GAS6: variants seen among roughly 807,000 people sequenced by gnomAD.
GAS6 encodes the protein growth arrest specific 6.
A neutral mutation model predicts 75.8 loss-of-function variants in GAS6; 41 were observed. The ratio of observed to expected loss-of-function variants is 0.54; its 90% CI spans 0.42 to 0.70. The LOEUF is 0.70. Ranked by LOEUF, GAS6 falls within the 30% of genes least tolerant of loss-of-function variation. GAS6 has a pLI of 0.00. For synonymous variants in GAS6, 432 were observed against 412.6 expected, an observed-to-expected ratio of 1.05 and a Z score of -0.57; for missense variants, 854 against 940.2, an observed-to-expected ratio of 0.91 and a Z score of 1.20.
Position 113,820,985 on chromosome 13 carries a change from A to G in GAS6, c.1916T>C (p.Phe639Ser). The G allele has an allele frequency of 6.2e-7, 1 of 1,612,670 alleles. No individual in the cohort carries two copies. ...CTCCAGTGTCATGCAGCCGCGGTAG[A>G]ACGCGGTGACTGGCGCTGAAGTCAC... Reference protein sequence around the residue: ...VPVTSAPVTAFYRGCMTLEVN... With the variant: ...VPVTSAPVTASYRGCMTLEVN... The change falls in exon 15 of 15, where the codon TTC (phenylalanine) becomes TCC (serine). Residue 639 changes from phenylalanine to serine, a missense_variant. By Grantham distance (155) the Phe-to-Ser change is radical. Coordinates refer to ENST00000327773, the MANE Select transcript of GAS6 (RefSeq NM_000820.4).
At chr13:113,834,269 G>A (rs576591761) in intron 8 of GAS6, among the ~76,000 whole-genome samples, 48 of 152,314 alleles carry the variant, frequency 3.2e-4, no homozygotes, top group Admixed American at 1.5e-3. Flanking sequence ...TGGCTCCCTG[G>A]CACGCGGCAG....
At chr13:113,857,576 AACCTGGAT>A in intron 2 of GAS6, among the ~76,000 whole-genome samples, 1 of 152,196 alleles carries the variant, frequency 6.6e-6, no homozygotes, top group Non-Finnish European at 1.5e-5. Flanking sequence ...AGCATGAGGA[AACCTGGAT>A]GCCTGTCAAT....
chr13:113,825,787 C>T (rs2051529317), intron 12 of GAS6, among the ~76,000 whole-genome samples: 1 of 151,828 alleles, frequency 6.6e-6, no homozygotes, highest in African/African-American at 2.4e-5. Flanking sequence ...TCTCAGATGC[C>T]TTTCCTGACA....
intron 3 of GAS6, chr13:113,847,570 G>GT (rs66489640): frequency 0.025 from 4,743 of 188,476 alleles, 259 homozygotes; most frequent in African/African-American, 0.11. Context: ...GATAACGTCT[G>GT]GCATTCCCGT....
intron 2 of GAS6, among the ~76,000 whole-genome samples, chr13:113,862,743 G>T (rs1397055073): frequency 6.6e-6 from 1 of 152,178 alleles, no homozygotes. Context: ...CTTTCATCCC[G>T]GGTGACATTT....
intron 12 of GAS6, among the ~76,000 whole-genome samples, chr13:113,825,315 C>T (rs1445383473): frequency 2.0e-5 from 3 of 151,536 alleles, no homozygotes; most frequent in African/African-American, 7.3e-5. Flanking sequence ...CACAAGGGCA[C>T]CGGCCTCTGC....
intron 11 of GAS6, 128 bp from the exon 12 acceptor site, chr13:113,827,292 A>G: frequency 1.2e-6 from 1 of 855,022 alleles, no homozygotes; most frequent in South Asian, 1.7e-5. Context: ...GGCCAGTCCC[A>G]TCGGTGGTGG....
chr13:113,826,666 AGGCACCTTCTCTCCCCCGCCTCCTG>A (rs1566354951), intron 12 of GAS6, among the ~76,000 whole-genome samples: 14 of 101,156 alleles, frequency 1.4e-4, no homozygotes, highest in South Asian at 6.6e-4. Context: ...CCGGCCTCGC[AGGCACCTTCTCTCCCCCGCCTCCTG>A]GCGCCGGCCT....
intron 13 of GAS6, chr13:113,822,484 C>A: frequency 3.2e-6 from 1 of 313,498 alleles, no homozygotes; most frequent in Non-Finnish European, 5.9e-6. Flanking sequence ...CAGGCACACA[C>A]AAGACCGAGG....
rs769770548 is a variant in GAS6, at chr13:113,846,537, G to A, written c.333C>T (p.Thr111=). ...AGGAGGCCGACTTACTTTGCACGCA[G>A]GTGGCGAAGCCTGAGTTTTTGGTGT... ...SPYTKNSGFA[T]CVQNLPDQCT... The change falls in exon 4 of 15, where the codon ACC becomes ACT. Residue 111 remains threonine, a synonymous_variant. Coordinates refer to ENST00000327773, the MANE Select transcript of GAS6 (RefSeq NM_000820.4). 6.2e-7 allele frequency: 1 copy of A among 1,614,050 alleles called. No homozygotes were observed. The highest frequency in any genetic ancestry group is 1.3e-5 in the African/African-American group (1 of 75,046).
Position 113,820,977 on chromosome 13 carries a change from C to T in GAS6, c.1924G>A (p.Gly642Ser), listed in dbSNP as rs2051448453. The change falls in exon 15 of 15, where the codon GGC (glycine) becomes AGC (serine). Residue 642 changes from glycine to serine, a missense_variant. Physicochemically the swap from Gly to Ser is moderately conservative, Grantham distance 56. Coordinates refer to ENST00000327773, the MANE Select transcript of GAS6 (RefSeq NM_000820.4). ...CGGTTGACCTCCAGTGTCATGCAGC[C>T]GCGGTAGAACGCGGTGACTGGCGCT... ...TSAPVTAFYR[G>S]CMTLEVNRRL... 1.2e-6 allele frequency: 2 copies of T among 1,612,584 alleles called. No homozygotes were observed. Among genetic ancestry groups the T allele is most frequent in the Admixed American group, 1.7e-5 (1 of 60,002 alleles).
At chr13:113,856,866 C>T (rs1426081782) in intron 2 of GAS6, among the ~76,000 whole-genome samples, 1 of 152,224 alleles carries the variant, frequency 6.6e-6, no homozygotes, top group Non-Finnish European at 1.5e-5. Flanking sequence ...CTTAGCAATT[C>T]AGAAAAGAAA....
chr13:113,832,900 C>A, intron 8 of GAS6, 148 bp from the exon 9 acceptor site: 1 of 1,527,156 alleles, frequency 6.5e-7, no homozygotes, highest in South Asian at 1.2e-5. Flanking sequence ...ACCCCAGAGG[C>A]TGTCACACCT....
chr13:113,839,119 C>T (rs2051748649), intron 5 of GAS6: 3 of 157,502 alleles, frequency 1.9e-5, no homozygotes, highest in South Asian at 2.0e-4. Flanking sequence ...CTCTGGGTGC[C>T]GAGGACAGAC....
chr13:113,839,803 G>T lies in GAS6; in HGVS notation c.391C>A (p.Gln131Lys). 1 of 1,614,020 alleles carries T rather than the reference G, an allele frequency of 6.2e-7. No individual in the cohort carries two copies. The highest frequency in any genetic ancestry group is 8.5e-7 in the Non-Finnish European group (1 of 1,180,002). The change falls in exon 5 of 15, where the codon CAA becomes AAA. Residue 131 changes from glutamine (Q) to lysine (K), a missense_variant. Transcript: ENST00000327773. ...TPNPCDRKGT[Q>K]ACQDLMGNFF... is the part of the protein sequence containing the mutation. ...TTGCCCATGAGGTCCTGGCAGGCTT[G>T]GGTCCCCTTCCTATCGCAGGGGTTG...
chr13:113,850,959 A>G (rs953482695), intron 2 of GAS6, among the ~76,000 whole-genome samples: 1 of 152,162 alleles, frequency 6.6e-6, no homozygotes, highest in African/African-American at 2.4e-5. Context: ...GCATGGATGG[A>G]TAAGTGAGTG....
At chr13:113,851,327 A>ATGAGTGGGTGGATGGG (rs2051873131) in intron 2 of GAS6, among the ~76,000 whole-genome samples, 1 of 150,524 alleles carries the variant, frequency 6.6e-6, no homozygotes, top group African/African-American at 2.5e-5. Context: ...GAGTGAATGA[A>ATGAGTGGGTGGATGGG]TGAGTGGGTG....
intron 3 of GAS6, chr13:113,847,014 G>A (rs767199692): frequency 7.9e-6 from 4 of 507,226 alleles, no homozygotes; most frequent in Non-Finnish European, 1.6e-5. Context: ...TCTCTGGCTG[G>A]CTGAACACAG....
chr13:113,829,176 G>A (rs112577157), intron 10 of GAS6, among the ~76,000 whole-genome samples: 3 of 98,440 alleles, frequency 3.0e-5, no homozygotes, highest in Non-Finnish European at 1.9e-5. Context: ...TGAGCCAAGA[G>A]GGTCCCGATC....
Sources: gnomAD v4.1 joint callset for allele counts (sites outside exome capture counted in the v4.1 genomes callset) on GRCh38, gnomAD v4.1.1 for gene constraint, MANE v1.5 for transcripts, NCBI Gene and HGNC (gene_info 2026-07-23, HGNC 2026-07-21) for gene names.